TMEM14C: variants seen among roughly 807,000 people sequenced by gnomAD.
TMEM14C encodes chromosome 6 open reading frame 53.
In TMEM14C, 13 loss-of-function variants were observed where a neutral mutation model predicts 14.8. The ratio of observed to expected loss-of-function variants is 0.88; its 90% CI spans 0.57 to 1.40. TMEM14C has a LOEUF of 1.40. TMEM14C is among the 40% of genes most tolerant of loss of function. The pLI, the probability that TMEM14C is intolerant of heterozygous loss-of-function variation, is 0.00. For synonymous variants in TMEM14C, 57 were observed against 51.3 expected (o/e 1.11, Z -0.48); for missense variants, 142 against 138.8 (o/e 1.02, Z -0.12).
In TMEM14C at chr6:10,724,466, A is replaced by G. The variant is rs151052142; in HGVS notation, c.-44-104A>G. 202 of 723,148 alleles carry G rather than the reference A, an allele frequency of 2.8e-4. 3 individuals carry two copies. In the East Asian group the frequency reaches 4.7e-3, roughly 17 times the overall value. 44.8% of individuals were successfully genotyped at this position (723,148 alleles called of 1,614,324 possible). A position where few individuals can be genotyped will look rare whatever the true frequency, so the allele number is the denominator to read the frequency against. On this transcript the variant is annotated intron_variant, in intron 1 of 5. Coordinates refer to ENST00000229563, the MANE Select transcript of TMEM14C (RefSeq NM_016462.4). Reference sequence around the variant, plus strand: ...GTGTTATCCTCATGGTACAGTGAAGAATACTGAGACTTAGGTTGCGTAGCT... The same window carrying G: ...GTGTTATCCTCATGGTACAGTGAAGGATACTGAGACTTAGGTTGCGTAGCT...
At chr6:10,730,053 G>C (rs1770982508) in intron 5 of TMEM14C, among the ~76,000 whole-genome samples, 1 of 151,770 alleles carries the variant, frequency 6.6e-6, no homozygotes, top group African/African-American at 2.4e-5. Flanking sequence ...AGCCGAAATT[G>C]TGCTGCTGAA....
intron 4 of TMEM14C, 34 bp downstream of exon 4, chr6:10,726,042 A>G (rs774609348): frequency 1.2e-5 from 20 of 1,612,198 alleles, no homozygotes; most frequent in South Asian, 7.7e-5. Context: ...TAGGGCAGCT[A>G]TGTATCCAGA....
chr6:10,725,297 T>C (rs1665931978), intron 3 of TMEM14C, among the ~76,000 whole-genome samples: 1 of 152,190 alleles, frequency 6.6e-6, no homozygotes, highest in Admixed American at 6.5e-5. Context: ...TAGTTTGTTA[T>C]TATCGTTGAC....
At chr6:10,724,176 A>G (rs2127487247) in intron 1 of TMEM14C, among the ~76,000 whole-genome samples, 1 of 152,332 alleles carries the variant, frequency 6.6e-6, no homozygotes, top group South Asian at 2.1e-4. Flanking sequence ...TCCCCTCAAA[A>G]GAGACATTAA....
At chr6:10,724,318 A>C in intron 1 of TMEM14C, 1 of 366,144 alleles carries the variant, frequency 2.7e-6, no homozygotes, top group Non-Finnish European at 5.0e-6. Flanking sequence ...CCGTGGGCCT[A>C]TGTGATTAAA....
At chr6:10,728,272 C>T (rs370116593) in intron 4 of TMEM14C, among the ~76,000 whole-genome samples, 5 of 152,322 alleles carry the variant, frequency 3.3e-5, no homozygotes, top group East Asian at 3.9e-4. Flanking sequence ...GTAGGTGCTT[C>T]GACAGATACC....
intron 1 of TMEM14C, 127 bp downstream of exon 1, chr6:10,723,368 C>T (rs1274504423): frequency 1.3e-5 from 2 of 152,270 alleles, no homozygotes; most frequent in Admixed American, 6.5e-5. Context: ...GTGGTCGGTG[C>T]TTTTCTCGTT....
Position 10,728,731 on chromosome 6 carries a change from C to T in TMEM14C, c.287+4C>T. On this transcript the variant is annotated splice_donor_region_variant and intron_variant, in intron 5 of 5. Transcript: ENST00000229563. ...CAGGTTTAATTGCAGGTGCCAGGTA[C>T]TTTCATTCTATTACTCTTCTTTACC... 1 of 1,614,186 alleles carries T rather than the reference C, an allele frequency of 6.2e-7. No homozygotes were observed. Among genetic ancestry groups the T allele is most frequent in the Non-Finnish European group, 8.5e-7 (1 of 1,180,038 alleles).
intron 4 of TMEM14C, among the ~76,000 whole-genome samples, chr6:10,726,540 A>G (rs1770867131): frequency 6.6e-6 from 1 of 152,122 alleles, no homozygotes; most frequent in South Asian, 2.1e-4. Flanking sequence ...AAATACAAAA[A>G]TTAGCTGGGG....
intron 3 of TMEM14C, 50 bp from the exon 4 acceptor site, chr6:10,725,857 T>G (rs375433126): frequency 1.5e-4 from 244 of 1,609,668 alleles, no homozygotes; most frequent in Admixed American, 1.3e-3. Flanking sequence ...ATTCCGTTAG[T>G]GAAATAAGTG....
intron 5 of TMEM14C, among the ~76,000 whole-genome samples, chr6:10,729,292 T>C (rs2327305): frequency 0.67 from 101,705 of 151,692 alleles, 34,237 homozygotes; most frequent in African/African-American, 0.74. Flanking sequence ...TGCACCACCA[T>C]GCCCAGCTAT....
At chr6:10,729,605 C>T (rs552278560) in intron 5 of TMEM14C, among the ~76,000 whole-genome samples, 2 of 151,972 alleles carry the variant, frequency 1.3e-5, no homozygotes, top group South Asian at 4.2e-4. Context: ...TGCGAAACCC[C>T]GTCTCTATGA....
intron 4 of TMEM14C, among the ~76,000 whole-genome samples, chr6:10,726,910 A>T (rs1770880360): frequency 6.6e-6 from 1 of 152,100 alleles, no homozygotes; most frequent in South Asian, 2.1e-4. Flanking sequence ...GGGAGGGAGA[A>T]GCCATGTGAT....
rs1457065383 is a variant in TMEM14C at position 10,723,467 on chromosome 6, C to T, written c.-45+226C>T. Among the ~76,000 whole-genome samples the T allele has an allele frequency of 2.6e-5, 4 of 152,106 alleles. 1 individual carries two copies. Among genetic ancestry groups the T allele is most frequent in the South Asian group, 4.1e-4 (2 of 4,824 alleles). On this transcript the variant is annotated intron_variant, in intron 1 of 5. Coordinates refer to ENST00000229563, the MANE Select transcript of TMEM14C (RefSeq NM_016462.4). The stretch of plus-strand genomic sequence containing the variant: ...GCTTACCCATGTAGCATAGTGTTGC[C>T]TCGTTTCTTGGTGATTTTCTTGCTC...
intron 5 of TMEM14C, among the ~76,000 whole-genome samples, chr6:10,729,816 G>A (rs1424419500): frequency 2.0e-5 from 3 of 151,974 alleles, no homozygotes; most frequent in Admixed American, 6.6e-5. Flanking sequence ...TTTAGTTGTA[G>A]GCCAGGTGTG....
intron 5 of TMEM14C, 114 bp from the exon 6 acceptor site, chr6:10,730,501 C>T (rs1489817277): frequency 2.0e-6 from 2 of 1,020,484 alleles, no homozygotes; most frequent in South Asian, 1.9e-5. Context: ...CCACTCTTGC[C>T]TTAGTACCTC....
chr6:10,723,866 A>G (rs1363149940), intron 1 of TMEM14C, among the ~76,000 whole-genome samples: 2 of 152,162 alleles, frequency 1.3e-5, no homozygotes, highest in Non-Finnish European at 2.9e-5. Context: ...GGCCTCCTAA[A>G]GTACTGGGAT....
At chr6:10,728,565 G>A in intron 4 of TMEM14C, 75 bp from the exon 5 acceptor site, 1 of 1,494,954 alleles carries the variant, frequency 6.7e-7, no homozygotes, top group East Asian at 2.3e-5. Flanking sequence ...AGATGGGTGG[G>A]GCTTGGCCCA....
intron 5 of TMEM14C, 57 bp downstream of exon 5, chr6:10,728,784 T>C: frequency 6.2e-7 from 1 of 1,612,616 alleles, no homozygotes; most frequent in Non-Finnish European, 8.5e-7. Flanking sequence ...TTCCCCAGGA[T>C]ACCTTATGCA....
Sources: allele counts gnomAD v4.1 joint callset (sites outside exome capture counted in the v4.1 genomes callset), GRCh38; gene constraint gnomAD v4.1.1; transcripts MANE v1.5; gene names NCBI Gene and HGNC (gene_info 2026-07-23, HGNC 2026-07-21).